UPP2: variants seen among roughly 807,000 people sequenced by gnomAD.
UPP2 encodes the protein UPase 2.
A neutral mutation model predicts 26.7 loss-of-function variants in UPP2; 23 were observed. The ratio of observed to expected loss-of-function variants is 0.86; its 90% CI spans 0.62 to 1.22. The LOEUF is 1.22. Among genes scored for constraint, UPP2 ranks in the 50% most tolerant of loss-of-function variants. UPP2 has a pLI of 0.00. For synonymous variants in UPP2, 127 were observed against 141.3 expected, an observed-to-expected ratio of 0.90 and a Z score of 0.72; for missense variants, 387 against 396.7, an observed-to-expected ratio of 0.98 and a Z score of 0.21.
chr2:158,118,098 G>T (rs185014195), intron 4 of UPP2, among the ~76,000 whole-genome samples, 160 bp downstream of exon 4: 1 of 151,928 alleles, frequency 6.6e-6, no homozygotes, highest in South Asian at 2.1e-4. Flanking sequence ...TGCCCACATT[G>T]CCTTTTTCTT....
chr2:158,036,707 G>C (rs971086255), intron 3 of UPP2, among the ~76,000 whole-genome samples: 1 of 152,222 alleles, frequency 6.6e-6, no homozygotes, highest in Non-Finnish European at 1.5e-5. Context: ...GGAAAGGCAG[G>C]TGAAGATAAG....
At chr2:158,104,974 A>G (rs1463621315) in intron 1 of UPP2, among the ~76,000 whole-genome samples, 2 of 53,030 alleles carry the variant, frequency 3.8e-5, no homozygotes, top group African/African-American at 1.2e-4. Context: ...AGGGAAGGGA[A>G]GGGAAGAGAA....
intron 3 of UPP2, among the ~76,000 whole-genome samples, chr2:158,023,238 G>GGGT (rs1474140453): frequency 4.3e-5 from 6 of 139,362 alleles, no homozygotes; most frequent in Admixed American, 1.4e-4. Flanking sequence ...GTTGGGGGGG[G>GGGT]GCATTTGGAA....
chr2:158,121,573 C>T lies in UPP2; in HGVS notation c.619C>T (p.Pro207Ser), dbSNP rs147775009. The T allele has an allele frequency of 7.5e-4, 1,209 of 1,613,506 alleles. 15 individuals are homozygous for T. Among genetic ancestry groups the T allele is most frequent in the Middle Eastern group, 3.8e-3 (23 of 6,060 alleles). The change falls in exon 5 of 7, where the codon CCA becomes TCA. Residue 207 changes from proline to serine, a missense_variant. Physicochemically the swap from Pro to Ser is moderately conservative, Grantham distance 74 (BLOSUM62 -1). Coordinates refer to ENST00000005756, the MANE Select transcript of UPP2 (RefSeq NM_173355.4). Reference sequence around the variant, plus strand: ...CTGTAGCAAAGAAATCCCCAACTTCCCAACCCTCGTTGGACATACAATGTG... The same window carrying T: ...CTGTAGCAAAGAAATCCCCAACTTCTCAACCCTCGTTGGACATACAATGTG... ...FNCSKEIPNFPTLVGHTMCTY... is the reference protein window; with the variant it reads ...FNCSKEIPNFSTLVGHTMCTY...
At chr2:158,018,617 C>CTAT (rs749773009) in intron 3 of UPP2, among the ~76,000 whole-genome samples, 3 of 152,168 alleles carry the variant, frequency 2.0e-5, no homozygotes, top group Non-Finnish European at 2.9e-5. Flanking sequence ...CATAATCTCT[C>CTAT]TATTTGGAAA....
intron 3 of UPP2, among the ~76,000 whole-genome samples, chr2:158,070,669 A>G (rs1288310995): frequency 6.6e-6 from 1 of 152,226 alleles, no homozygotes. Context: ...ACAAAATTTT[A>G]ACAACTAACT....
intron 4 of UPP2, among the ~76,000 whole-genome samples, chr2:158,119,434 T>G (rs762433564): frequency 6.6e-6 from 1 of 152,094 alleles, no homozygotes; most frequent in South Asian, 2.1e-4. Flanking sequence ...TTGCTTATTT[T>G]CTTTTAAGCA....
At position 158,106,150 on chromosome 2, in the gene UPP2, C is replaced by T. The variant is rs1218044794; in HGVS notation, c.114C>T (p.Asp38=). The part of the protein sequence containing the change: ...KNPYLDLMDE[D]ILYHLDLGTK... ...CTTACTTGGATTTGATGGATGAAGA[C>T]ATTCTCTATCACTTGGATTTGGGAA... The change falls in exon 2 of 7, where the codon GAC becomes GAT. Residue 38 remains aspartate, a synonymous_variant. Coordinates refer to ENST00000005756, the MANE Select transcript of UPP2 (RefSeq NM_173355.4). 6.2e-7 allele frequency: 1 copy of T among 1,607,692 alleles called. No homozygotes were observed. The highest frequency in any genetic ancestry group is 8.5e-7 in the Non-Finnish European group (1 of 1,177,618).
chr2:157,995,776 G>A (rs897135803), intron 2 of UPP2, among the ~76,000 whole-genome samples: 1 of 151,570 alleles, frequency 6.6e-6, no homozygotes, highest in African/African-American at 2.4e-5. Flanking sequence ...TTGTAATCTG[G>A]ATTTTTTCCT....
chr2:158,127,618 T>A (rs1010411229), intron 6 of UPP2, among the ~76,000 whole-genome samples: 1 of 152,172 alleles, frequency 6.6e-6, no homozygotes, highest in Non-Finnish European at 1.5e-5. Flanking sequence ...AGCCTTAAAG[T>A]CAAGCCTCCC....
intron 3 of UPP2, among the ~76,000 whole-genome samples, chr2:158,084,024 C>T (rs1682774025): frequency 6.6e-6 from 1 of 151,584 alleles, no homozygotes. Context: ...GAGTAGATAT[C>T]CAGTAGTGGG....
rs201570204 is a variant in UPP2, at chr2:158,000,378, T to TA, written c.61+5120dup. Among the ~76,000 whole-genome samples, 1,469 of 152,350 alleles carry TA rather than the reference T, an allele frequency of 9.6e-3. 14 individuals carry two copies. Among genetic ancestry groups the TA allele is most frequent in the Non-Finnish European group, 0.015 (1,019 of 68,032 alleles). ...AAATATAAATGAGAGATCCAACTTATATTAAGTAAAAATAAAGTATTCATT... is the reference window on the plus strand; with the variant it reads ...AAATATAAATGAGAGATCCAACTTATAATTAAGTAAAAATAAAGTATTCATT... On this transcript the variant is annotated intron_variant, in intron 2 of 9. Coordinates refer to the UPP2 transcript ENST00000605860.
At chr2:157,997,872 G>C (rs943747116) in intron 2 of UPP2, among the ~76,000 whole-genome samples, 2 of 152,176 alleles carry the variant, frequency 1.3e-5, no homozygotes, top group African/African-American at 4.8e-5. Flanking sequence ...CGTTTGGACA[G>C]GTCCAAATCT....
chr2:158,062,729 CTGAGA>C (rs993816341), intron 3 of UPP2, among the ~76,000 whole-genome samples: 9 of 152,280 alleles, frequency 5.9e-5, no homozygotes, highest in African/African-American at 2.2e-4. Context: ...GTATCTTCTT[CTGAGA>C]TAACACTTGT....
In UPP2 at chr2:158,067,258, G is replaced by A. The variant is rs1222132703; in HGVS notation, c.148-34782G>A. 2.6e-5 allele frequency among the ~76,000 whole-genome samples: 4 copies of A among 152,048 alleles called. No individual in the cohort carries two copies. In the South Asian group the frequency reaches 6.2e-4, roughly 24 times the overall value. Reference sequence around the variant, plus strand: ...TCAACCATATATTTATACTGTCTGGGGATGTGTGGTTTTAGTTCTGTGGGA... The same window carrying A: ...TCAACCATATATTTATACTGTCTGGAGATGTGTGGTTTTAGTTCTGTGGGA... On this transcript the variant is annotated intron_variant, in intron 3 of 9. Transcript: ENST00000605860.
intron 1 of UPP2, among the ~76,000 whole-genome samples, chr2:158,103,651 A>G (rs1033807108): frequency 2.0e-5 from 3 of 152,222 alleles, no homozygotes; most frequent in African/African-American, 7.2e-5. Flanking sequence ...CAGAAAGTGT[A>G]ATAGAATTTG....
chr2:158,068,803 T>TATATATCTATATA (rs1491232938), intron 3 of UPP2, among the ~76,000 whole-genome samples: 1 of 14,002 alleles, frequency 7.1e-5, no homozygotes, highest in Non-Finnish European at 1.2e-4. Flanking sequence ...TATATATATA[T>TATATATCTATATA]TTTTTTTTTT....
intron 3 of UPP2, among the ~76,000 whole-genome samples, chr2:158,096,349 A>G (rs1339222863): frequency 6.6e-6 from 1 of 152,238 alleles, no homozygotes; most frequent in Non-Finnish European, 1.5e-5. Context: ...CTGTAATCCC[A>G]GCACTTTGGG....
At chr2:158,130,455 A>AC (rs1276303902) in intron 6 of UPP2, among the ~76,000 whole-genome samples, 56 of 69,310 alleles carry the variant, frequency 8.1e-4, no homozygotes, top group African/African-American at 4.1e-3. Context: ...CGTCTCAAAA[A>AC]AAAAAACAAA....
Sources: allele counts gnomAD v4.1 joint callset (sites outside exome capture counted in the v4.1 genomes callset), GRCh38; gene constraint gnomAD v4.1.1; transcripts MANE v1.5; gene names NCBI Gene and HGNC (gene_info 2026-07-23, HGNC 2026-07-21).